PBX1: variants seen among roughly 807,000 people sequenced by gnomAD.
PBX1 encodes PBX homeobox 1.
PBX1 carries 6 observed loss-of-function variants against 53.4 expected under a neutral mutation model. That is an observed-to-expected ratio of 0.11 (90% CI 0.06 to 0.22). The LOEUF (loss-of-function observed/expected upper bound fraction) is 0.22. Ranked by LOEUF, PBX1 falls within the 10% of genes least tolerant of loss-of-function variation. The probability of loss-of-function intolerance (pLI) is 1.00; values close to 1 mark genes in which losing one functional copy is unlikely to be tolerated. For synonymous variants in PBX1, 204 were observed against 212.3 expected, an observed-to-expected ratio of 0.96 and a Z score of 0.34; for missense variants, 251 against 551.4, an observed-to-expected ratio of 0.46 and a Z score of 5.46.
At chr1:164,563,117 C>G (rs1195464297) in intron 1 of PBX1, 121 bp from the exon 2 acceptor site, 2 of 593,670 alleles carry the variant, frequency 3.4e-6, no homozygotes, top group Non-Finnish European at 6.1e-6. Flanking sequence ...CTGAAGCATG[C>G]CACAGAGTTA....
At chr1:164,571,918 C>CATATATATT (rs1557867060) in intron 2 of PBX1, among the ~76,000 whole-genome samples, 1 of 42,342 alleles carries the variant, frequency 2.4e-5, no homozygotes, top group Non-Finnish European at 4.5e-5. Context: ...TATATATATG[C>CATATATATT]TTTTTTTTTT....
intron 2 of PBX1, among the ~76,000 whole-genome samples, chr1:164,623,316 C>T (rs1282839722): frequency 6.6e-6 from 1 of 152,178 alleles, no homozygotes; most frequent in Non-Finnish European, 1.5e-5. Context: ...GGTAATTGCC[C>T]ACAGTCTTCT....
At chr1:164,677,274 A>T (rs1157352297) in intron 2 of PBX1, among the ~76,000 whole-genome samples, 1 of 150,008 alleles carries the variant, frequency 6.7e-6, no homozygotes, top group Non-Finnish European at 1.5e-5. Flanking sequence ...TTGTATTTTT[A>T]GTAGAGACGG....
At chr1:164,704,506 T>C (rs1663313903) in intron 2 of PBX1, among the ~76,000 whole-genome samples, 1 of 152,224 alleles carries the variant, frequency 6.6e-6, no homozygotes, top group African/African-American at 2.4e-5. Context: ...TTCGGAGCTA[T>C]GAGAAACTGC....
intron 2 of PBX1, among the ~76,000 whole-genome samples, chr1:164,691,803 C>G (rs940187584): frequency 6.6e-6 from 1 of 152,100 alleles, no homozygotes; most frequent in African/African-American, 2.4e-5. Context: ...AATCTGAAAA[C>G]CAGAATGCTC....
chr1:164,601,349 G>A (rs1656161824), intron 2 of PBX1, among the ~76,000 whole-genome samples: 1 of 151,546 alleles, frequency 6.6e-6, no homozygotes, highest in African/African-American at 2.4e-5. Context: ...CTAAGAAACT[G>A]CTATGATTTT....
intron 2 of PBX1, among the ~76,000 whole-genome samples, chr1:164,876,704 CAGA>C (rs1390114910): frequency 6.6e-6 from 1 of 152,210 alleles, no homozygotes; most frequent in East Asian, 1.9e-4. Context: ...TGTGGAAAAG[CAGA>C]AGGCCTGACC....
intron 2 of PBX1, among the ~76,000 whole-genome samples, chr1:164,738,417 A>G (rs762028956): frequency 6.6e-6 from 1 of 152,118 alleles, no homozygotes; most frequent in Non-Finnish European, 1.5e-5. Context: ...TCCCAAGTAG[A>G]TAGGATTATA....
Position 164,685,456 on chromosome 1 carries a change from A to G in PBX1, c.266-107038A>G, listed in dbSNP as rs11802619. Among the ~76,000 whole-genome samples the G allele has an allele frequency of 8.6e-3, 1,310 of 152,340 alleles. 12 individuals are homozygous for G. The highest frequency in any genetic ancestry group is 0.017 in the Middle Eastern group (5 of 294). The stretch of plus-strand genomic sequence containing the variant: ...ACACCTTCATGCTTCCTGTGGTGGA[A>G]GAAATGCAGAGTCCACTTCCTCCCA... On this transcript the variant is annotated intron_variant, in intron 2 of 8. Coordinates refer to ENST00000420696, the MANE Select transcript of PBX1 (RefSeq NM_002585.4).
intron 2 of PBX1, among the ~76,000 whole-genome samples, chr1:164,870,266 C>CTTCTTTCTTTCTTTCTTTCTTTCT (rs1162744857): frequency 2.2e-5 from 1 of 45,212 alleles, no homozygotes. Flanking sequence ...TCCTTCCTTC[C>CTTCTTTCTTTCTTTCTTTCTTTCT]TTCTTTCTTT....
intron 2 of PBX1, among the ~76,000 whole-genome samples, chr1:164,736,259 C>T (rs1043122794): frequency 6.6e-6 from 1 of 152,030 alleles, no homozygotes; most frequent in Admixed American, 6.6e-5. Context: ...GAAATAGCTG[C>T]GGGGGAGGCA....
intron 2 of PBX1, among the ~76,000 whole-genome samples, chr1:164,675,380 T>G (rs908340123): frequency 6.6e-6 from 1 of 152,076 alleles, no homozygotes; most frequent in Admixed American, 6.5e-5. Flanking sequence ...TTTGCCTTAC[T>G]TTCAATGGCA....
At chr1:164,610,058 C>G (rs886335196) in intron 2 of PBX1, among the ~76,000 whole-genome samples, 1 of 152,104 alleles carries the variant, frequency 6.6e-6, no homozygotes, top group African/African-American at 2.4e-5. Context: ...GTCGAAGGGC[C>G]CCACCTTCCA....
chr1:164,878,314 A>T (rs1390519375), intron 2 of PBX1, among the ~76,000 whole-genome samples: 1 of 152,166 alleles, frequency 6.6e-6, no homozygotes, highest in Admixed American at 6.5e-5. Flanking sequence ...TAAGCATTTG[A>T]TTTTGCAATT....
At chr1:164,597,645 T>C (rs1023179184) in intron 2 of PBX1, among the ~76,000 whole-genome samples, 4 of 152,136 alleles carry the variant, frequency 2.6e-5, no homozygotes, top group African/African-American at 9.7e-5. Context: ...GTACTTTTTC[T>C]CCATGAATTT....
At chr1:164,838,413 A>T (rs1423122035) in intron 8 of PBX1, among the ~76,000 whole-genome samples, 1 of 152,124 alleles carries the variant, frequency 6.6e-6, no homozygotes, top group Non-Finnish European at 1.5e-5. Context: ...GTAGCAGGAG[A>T]TATTAGAATC....
intron 2 of PBX1, among the ~76,000 whole-genome samples, chr1:164,693,063 G>A (rs1557946588): frequency 2.6e-5 from 4 of 152,208 alleles, no homozygotes; most frequent in African/African-American, 9.7e-5. Context: ...GTTCGCCAAG[G>A]TCACTGTGTG....
At chr1:164,575,313 G>T (rs909876474) in intron 2 of PBX1, among the ~76,000 whole-genome samples, 1 of 152,228 alleles carries the variant, frequency 6.6e-6, no homozygotes, top group Non-Finnish European at 1.5e-5. Flanking sequence ...TGTCAGTGGG[G>T]CGTTTGCAAA....
chr1:164,766,730 A>AT (rs1414396259), intron 2 of PBX1, among the ~76,000 whole-genome samples: 3 of 121,494 alleles, frequency 2.5e-5, no homozygotes, highest in Non-Finnish European at 5.4e-5. Flanking sequence ...TTATTTATTT[A>AT]TTTATTTATT....
Sources: allele counts gnomAD v4.1 joint callset (sites outside exome capture counted in the v4.1 genomes callset), GRCh38; gene constraint gnomAD v4.1.1; transcripts MANE v1.5; gene names NCBI Gene and HGNC (gene_info 2026-07-23, HGNC 2026-07-21).